The following MAPK10 variants were observed in gnomAD, a reference collection of about 807,000 sequenced individuals.
MAPK10 encodes JNK3 alpha protein kinase.
MAPK10 carries 25 observed loss-of-function variants against 59.3 expected under a neutral mutation model. That is an observed-to-expected ratio of 0.42 (90% confidence interval 0.31 to 0.59). The LOEUF (loss-of-function observed/expected upper bound fraction) is 0.59, where lower values mean the gene tolerates loss of function less well. Among genes scored for constraint, MAPK10 ranks in the 20% least tolerant of loss-of-function variants. The pLI is 0.15. For synonymous variants in MAPK10, 190 were observed against 200.5 expected (o/e 0.95, Z 0.44); for missense variants, 351 against 568.9 (o/e 0.62, Z 3.90).
chr4:86,163,513 C>A (rs918711970), intron 3 of MAPK10, among the ~76,000 whole-genome samples: 2 of 152,042 alleles, frequency 1.3e-5, no homozygotes, highest in Non-Finnish European at 2.9e-5. Flanking sequence ...TAGAACAAGA[C>A]AGCAGATTAT....
chr4:86,554,805 C>T (rs896594774), intron 1 of MAPK10, among the ~76,000 whole-genome samples: 7 of 152,182 alleles, frequency 4.6e-5, no homozygotes, highest in African/African-American at 1.7e-4. Flanking sequence ...CCTATAAAAG[C>T]CAAGCTCTTT....
At chr4:86,123,991 A>T (rs1258008633) in intron 4 of MAPK10, 1 of 152,070 alleles carries the variant, frequency 6.6e-6, no homozygotes, top group Non-Finnish European at 1.5e-5. Context: ...ATCCAATTCA[A>T]TGACTCAAAA....
intron 1 of MAPK10, among the ~76,000 whole-genome samples, chr4:86,545,822 C>T (rs1759105183): frequency 6.6e-6 from 1 of 152,206 alleles, no homozygotes; most frequent in African/African-American, 2.4e-5. Flanking sequence ...ACGAATCTCA[C>T]ATTTTAAAAA....
chr4:86,201,593 G>C (rs2082635496), intron 2 of MAPK10, among the ~76,000 whole-genome samples: 1 of 151,918 alleles, frequency 6.6e-6, no homozygotes, highest in African/African-American at 2.4e-5. Context: ...CCAGATAAAA[G>C]TCTTCTGTTA....
chr4:86,457,727 T>C (rs559569605), upstream of MAPK10, among the ~76,000 whole-genome samples: 2 of 151,984 alleles, frequency 1.3e-5, no homozygotes, highest in African/African-American at 4.8e-5. Flanking sequence ...AAAATGACCA[T>C]ACTGCCAAAA....
intron 2 of MAPK10, among the ~76,000 whole-genome samples, chr4:86,233,136 C>CA (rs2091818554): frequency 6.6e-6 from 1 of 152,094 alleles, no homozygotes; most frequent in South Asian, 2.1e-4. Flanking sequence ...ATGTCAGAAA[C>CA]AAAAAAGCTC....
intron 1 of MAPK10, among the ~76,000 whole-genome samples, chr4:86,391,052 T>C (rs1489707218): frequency 6.6e-6 from 1 of 152,230 alleles, no homozygotes; most frequent in Non-Finnish European, 1.5e-5. Context: ...AAGATCCTTT[T>C]ATTTTCTCCA....
At chr4:86,111,537 T>C (rs777287630) in intron 4 of MAPK10, among the ~76,000 whole-genome samples, 3 of 152,226 alleles carry the variant, frequency 2.0e-5, no homozygotes, top group Non-Finnish European at 4.4e-5. Context: ...ATTTATTGAT[T>C]TGCGTATGTT....
At chr4:86,549,011 C>G (rs911714321) in intron 1 of MAPK10, among the ~76,000 whole-genome samples, 5 of 151,998 alleles carry the variant, frequency 3.3e-5, no homozygotes, top group African/African-American at 1.2e-4. Flanking sequence ...TGATAATTCA[C>G]TGTTTATTTC....
At chr4:86,585,275 G>C (rs769891639) in intron 1 of MAPK10, among the ~76,000 whole-genome samples, 3 of 152,132 alleles carry the variant, frequency 2.0e-5, no homozygotes, top group Non-Finnish European at 4.4e-5. Flanking sequence ...AAATGAAATT[G>C]AATGCTATGG....
At chr4:86,376,102 A>G (rs2148997230) in intron 1 of MAPK10, among the ~76,000 whole-genome samples, 1 of 152,322 alleles carries the variant, frequency 6.6e-6, no homozygotes, top group East Asian at 1.9e-4. Flanking sequence ...CAATCTTTCA[A>G]TAACATCACT....
At chr4:86,527,251 G>T (rs187074513) in intron 1 of MAPK10, among the ~76,000 whole-genome samples, 1 of 142,460 alleles carries the variant, frequency 7.0e-6, no homozygotes, top group South Asian at 2.2e-4. Context: ...GGTCGAGGCC[G>T]CAGGGAGCTG....
Position 86,017,047 on chromosome 4 carries a change from A to ATG in MAPK10, c.*180_*181insCA. 1 of 646,858 alleles carries ATG rather than the reference A, an allele frequency of 1.5e-6. No homozygotes were observed. Among genetic ancestry groups the ATG allele is most frequent in the Non-Finnish European group, 2.6e-6 (1 of 388,550 alleles). 40.1% of individuals were successfully genotyped at this position (646,858 alleles called of 1,614,324 possible). ...AAATATACATTTGAGCTTAGCTGCA[A>ATG]TACAGAACCCTGGGGAAGAAGCAGG... On this transcript the variant is annotated 3_prime_UTR_variant, in exon 14 of 14. Transcript: ENST00000641462. The surrounding 1 kb of genome is among the most constrained non-coding windows in gnomAD (Gnocchi z 4.4).
chr4:86,180,768 T>C (rs938293346), intron 3 of MAPK10, among the ~76,000 whole-genome samples: 2 of 152,042 alleles, frequency 1.3e-5, no homozygotes, highest in Admixed American at 6.6e-5. Context: ...AAACACCACA[T>C]GTTCTCATTC....
intron 2 of MAPK10, among the ~76,000 whole-genome samples, chr4:86,265,282 G>T (rs963962191): frequency 1.3e-5 from 2 of 151,960 alleles, no homozygotes; most frequent in African/African-American, 2.4e-5. Flanking sequence ...TGGGAGGCAG[G>T]TGTATCACTT....
chr4:86,495,060 G>A (rs1754773093), intron 1 of MAPK10, among the ~76,000 whole-genome samples: 1 of 151,908 alleles, frequency 6.6e-6, no homozygotes, highest in Non-Finnish European at 1.5e-5. Flanking sequence ...CAATTTCTTA[G>A]AAGTCCAACA....
intron 1 of MAPK10, among the ~76,000 whole-genome samples, chr4:86,398,214 A>G (rs1743223325): frequency 8.4e-6 from 1 of 119,486 alleles, no homozygotes; most frequent in Non-Finnish European, 1.9e-5. Flanking sequence ...AAGATTCTCA[A>G]AAACAAACAA....
intron 1 of MAPK10, among the ~76,000 whole-genome samples, chr4:86,401,657 T>C (rs1743743485): frequency 6.6e-6 from 1 of 152,210 alleles, no homozygotes; most frequent in African/African-American, 2.4e-5. Flanking sequence ...CTATAATCTC[T>C]ATGTCTATTT....
intron 11 of MAPK10, among the ~76,000 whole-genome samples, chr4:86,040,666 G>C (rs1398831870): frequency 1.3e-5 from 2 of 151,922 alleles, no homozygotes; most frequent in Non-Finnish European, 2.9e-5. Flanking sequence ...ATTACACCAA[G>C]ATATATCATA....
Sources: gnomAD v4.1 joint callset for allele counts (sites outside exome capture counted in the v4.1 genomes callset) on GRCh38, gnomAD v4.1.1 for gene constraint, Gnocchi (gnomAD v3.1) non-coding constraint, MANE v1.5 for transcripts, NCBI Gene and HGNC (gene_info 2026-07-23, HGNC 2026-07-21) for gene names.